Variants in VCL observed in about 807,000 individuals in gnomAD.
VCL encodes the protein vinculin.
In VCL, 47 loss-of-function variants were observed where a neutral mutation model predicts 125.7. The observed-to-expected ratio is 0.37, with a 90% CI of 0.30 to 0.48. The LOEUF (loss-of-function observed/expected upper bound fraction) is 0.48, where lower values mean the gene tolerates loss of function less well. Among genes scored for constraint, VCL ranks in the 20% least tolerant of loss-of-function variants. The pLI is 0.99. For missense variants in VCL, 1,069 were observed against 1,455.5 expected (o/e 0.73, Z 4.32); for synonymous variants, 458 against 514.6 (o/e 0.89, Z 1.49).
chr10:74,016,784 A>G (rs912428621), intron 1 of VCL: 2 of 152,160 alleles, frequency 1.3e-5, no homozygotes, highest in Non-Finnish European at 2.9e-5. Flanking sequence ...TACCTCCAGA[A>G]CCTTTTTATT....
rs115107948 is a variant in VCL, at chr10:74,036,701, T to A, written c.169-6382T>A. 2.8e-3 allele frequency among the ~76,000 whole-genome samples: 413 copies of A among 150,136 alleles called. 1 individual carries two copies. Among genetic ancestry groups the A allele is most frequent in the African/African-American group, 9.7e-3 (397 of 40,950 alleles). On this transcript the variant is annotated intron_variant, in intron 1 of 21. Coordinates refer to ENST00000211998, the MANE Select transcript of VCL (RefSeq NM_014000.3). ...GCCTGGGCAATATAGCAAGACCCCA[T>A]CTTAAAAAAAAAAAAGTAAAAAAGA...
chr10:74,099,748 C>T (rs1840022001), intron 13 of VCL, among the ~76,000 whole-genome samples: 1 of 152,110 alleles, frequency 6.6e-6, no homozygotes, highest in Non-Finnish European at 1.5e-5. Flanking sequence ...CCCAGGAGAT[C>T]CAGAGTGTGG....
chr10:74,117,194 C>CAG (rs1422240782), intron 21 of VCL, among the ~76,000 whole-genome samples: 1 of 152,042 alleles, frequency 6.6e-6, no homozygotes, highest in African/African-American at 2.4e-5. Flanking sequence ...TCCTGTGTGC[C>CAG]AGGCACCATC....
chr10:74,074,746 T>C lies in VCL; in HGVS notation c.626T>C (p.Met209Thr). 1.2e-6 allele frequency: 2 copies of C among 1,613,160 alleles called. No individual in the cohort carries two copies. Among genetic ancestry groups the C allele is most frequent in the Non-Finnish European group, 1.7e-6 (2 of 1,179,766 alleles). ...TTCTGATCTTTTATTTTTACAGCTA[T>C]GAAGATTTTTGTAACAACTAAAAAC... is the stretch of plus-strand genomic sequence containing the variant. ...KELLPVLISA[M>T]KIFVTTKNSK... The change falls in exon 6 of 22, where the codon ATG becomes ACG. Residue 209 changes from methionine (M) to threonine (T), a missense_variant. This residue lies in a region of VCL where 760 missense variants were observed against 928.9 expected (regional missense o/e 0.82). Coordinates refer to ENST00000211998, the MANE Select transcript of VCL (RefSeq NM_014000.3).
At chr10:74,035,754 T>C (rs527688890) in intron 1 of VCL, among the ~76,000 whole-genome samples, 12 of 152,342 alleles carry the variant, frequency 7.9e-5, no homozygotes, top group African/African-American at 2.4e-4. Context: ...ACACGTACAG[T>C]TGGCTCTCTG....
At chr10:74,109,255 T>C in intron 18 of VCL, 99 bp downstream of exon 18, 1 of 1,431,632 alleles carries the variant, frequency 7.0e-7, no homozygotes, top group Non-Finnish European at 9.7e-7. Context: ...GGAGTCACCC[T>C]CTCTCTCTCC....
At chr10:74,072,637 T>G (rs1037319965) in intron 4 of VCL, 93 bp from the exon 5 acceptor site, 1 of 1,593,638 alleles carries the variant, frequency 6.3e-7, no homozygotes, top group African/African-American at 1.3e-5. Context: ...CGGTTTGAAC[T>G]TTCATAGTAT....
chr10:74,090,397 G>A (rs969857177), intron 10 of VCL, among the ~76,000 whole-genome samples, 199 bp downstream of exon 10: 2 of 152,144 alleles, frequency 1.3e-5, no homozygotes, highest in African/African-American at 4.8e-5. Context: ...TGATGTAACT[G>A]AGGTTTAATG....
chr10:74,089,207 C>G lies in VCL; in HGVS notation c.1034C>G (p.Ser345Cys). 6.2e-7 allele frequency: 1 copy of G among 1,614,018 alleles called. No individual in the cohort carries two copies. Among genetic ancestry groups the G allele is most frequent in the Non-Finnish European group, 8.5e-7 (1 of 1,179,970 alleles). ...TCTGTTTTGAGCAGAGGACAAGGAT[C>G]CTCACCGGTGGCCATGCAGAAAGCT... ...VADLRARGQG[S>C]SPVAMQKAQQ... is the part of the protein sequence containing the mutation. Residue 345 changes from serine to cysteine, a missense_variant, in exon 9 of 22, where the codon TCC becomes TGC. Ser to Cys is a moderately radical substitution (Grantham distance 112). Transcript: ENST00000211998.
chr10:74,010,169 T>G (rs372521423), intron 1 of VCL, among the ~76,000 whole-genome samples: 91 of 151,968 alleles, frequency 6.0e-4, no homozygotes, highest in South Asian at 1.7e-3. Context: ...AAGTGATCCA[T>G]CCGCCTCGGA....
At chr10:74,120,388 G>A (rs2131947677), downstream of VCL, 1 of 152,334 alleles carries the variant, frequency 6.6e-6, no homozygotes, top group Admixed American at 6.5e-5. Flanking sequence ...GAATGGAAGT[G>A]GCAAAGGTTA....
Position 74,071,952 on chromosome 10 carries a change from T to C in VCL, c.500-778T>C, listed in dbSNP as rs1303547227. 6.6e-6 allele frequency among the ~76,000 whole-genome samples: 1 copy of C among 152,174 alleles called. No homozygotes were observed. The highest frequency in any genetic ancestry group is 1.5e-5 in the Non-Finnish European group (1 of 68,026). ...TTATATTTCCCCAAATGGAATCTTA[T>C]GCAGAATCCCCAAACAAAAAAAGAC... On this transcript the variant is annotated intron_variant, in intron 4 of 21. Coordinates refer to ENST00000211998, the MANE Select transcript of VCL (RefSeq NM_014000.3). This position sits in a 1 kb window ranked among gnomAD's most constrained non-coding sequence, Gnocchi z 4.1.
rs201488697 is a variant in VCL at position 74,097,185 on chromosome 10, T to C, written c.1744-19T>C. On this transcript the variant is annotated intron_variant, in intron 12 of 21. Coordinates refer to ENST00000211998, the MANE Select transcript of VCL (RefSeq NM_014000.3). The surrounding 1 kb of genome is among the most constrained non-coding windows in gnomAD (Gnocchi z 4.1). ...GAGGATGTATCTGGACATTTTCATATGTAAACAATGTTTTTAAGGATCTAA... is the reference window on the plus strand; with the variant it reads ...GAGGATGTATCTGGACATTTTCATACGTAAACAATGTTTTTAAGGATCTAA... 1.2e-6 allele frequency: 2 copies of C among 1,612,636 alleles called. No individual in the cohort carries two copies. The highest frequency in any genetic ancestry group is 1.7e-6 in the Non-Finnish European group (2 of 1,179,388).
chr10:74,071,153 C>G lies in VCL; in HGVS notation c.499+70C>G. ...TGTTGGAGCCAAAGGAAAGGGTACCCTCTTCCTACTTTTTGCAGAAGATAG... is the reference window on the plus strand; with the variant it reads ...TGTTGGAGCCAAAGGAAAGGGTACCGTCTTCCTACTTTTTGCAGAAGATAG... On this transcript the variant is annotated intron_variant, in intron 4 of 21. Coordinates refer to ENST00000211998, the MANE Select transcript of VCL (RefSeq NM_014000.3). The surrounding 1 kb of genome is among the most constrained non-coding windows in gnomAD (Gnocchi z 4.1). 2.7e-6 allele frequency: 4 copies of G among 1,469,266 alleles called. No individual in the cohort carries two copies. The highest frequency in any genetic ancestry group is 2.3e-5 in the South Asian group (2 of 87,100). The allele number at this position is 1,469,266 out of a possible 1,614,324, so 91.0% of individuals were successfully genotyped here.
chr10:74,028,445 G>A (rs1840814026), intron 1 of VCL, among the ~76,000 whole-genome samples: 1 of 140,648 alleles, frequency 7.1e-6, no homozygotes, highest in South Asian at 2.2e-4. Flanking sequence ...CACCCAGGTT[G>A]GAGTGCAATG....
rs774388320 is a variant in VCL at position 74,105,308 on chromosome 10, A to G, written c.2389A>G (p.Met797Val). Residue 797 changes from methionine to valine, a missense_variant, in exon 16 of 22, where the codon ATG (methionine) becomes GTG (valine). Met to Val is a conservative substitution (Grantham distance 21, BLOSUM62 1). Around this residue, in one of 6 missense-constraint regions of VCL, gnomAD observed 760 missense variants for 928.9 expected, o/e 0.82. Transcript: ENST00000211998. ...SDELSKTISP[M>V]VMDAKAVAGN... ...TGAATTGAGCAAAACCATCTCCCCG[A>G]TGGTGATGGATGCAAAAGCTGTGGC... is the stretch of plus-strand genomic sequence containing the variant. 86 of 1,612,774 alleles carry G rather than the reference A, an allele frequency of 5.3e-5. No homozygotes were observed. The highest frequency in any genetic ancestry group is 4.0e-4 in the Middle Eastern group (2 of 5,046).
intron 2 of VCL, 131 bp from the exon 3 acceptor site, chr10:74,070,539 C>A: frequency 7.8e-7 from 1 of 1,286,856 alleles, no homozygotes; most frequent in Non-Finnish European, 1.1e-6. Context: ...GTTCTATTAT[C>A]AATTGGTCTT....
chr10:74,081,728 C>T (rs1839677103), intron 6 of VCL, among the ~76,000 whole-genome samples: 1 of 152,136 alleles, frequency 6.6e-6, no homozygotes, highest in Non-Finnish European at 1.5e-5. Context: ...TGCTAGTTTC[C>T]TGATAGTCCT....
rs1483292523 is a variant in VCL, at chr10:74,092,785, ACATACTTAATTGGAAT to A, written c.1353-1484_1353-1469del. Among the ~76,000 whole-genome samples, 3 of 152,304 alleles carry A rather than the reference ACATACTTAATTGGAAT, an allele frequency of 2.0e-5. No individual in the cohort carries two copies. In the East Asian group the frequency reaches 5.8e-4, roughly 29 times the overall value. ...TGCAGACCCCTTGACCCCACCGCAG[ACATACTTAATTGGAAT>A]CGCTTTTGATGGTGGGTTTAACAAT... On this transcript the variant is annotated intron_variant, in intron 10 of 21. Transcript: ENST00000211998.
Sources: allele counts gnomAD v4.1 joint callset (sites outside exome capture counted in the v4.1 genomes callset), GRCh38; gene constraint gnomAD v4.1.1; regional missense constraint gnomAD v4.1.1; non-coding constraint Gnocchi (gnomAD v3.1); transcripts MANE v1.5; gene names NCBI Gene and HGNC (gene_info 2026-07-23, HGNC 2026-07-21).